The following MCPH1 variants were observed in gnomAD, a reference collection of about 807,000 sequenced individuals.
MCPH1 encodes the protein microcephalin.
MCPH1 carries 104 observed loss-of-function variants against 84.5 expected under a neutral mutation model. That is an observed-to-expected ratio of 1.23 (90% CI 1.05 to 1.45). MCPH1 has a LOEUF of 1.45. Ranked by LOEUF, MCPH1 falls within the 40% of genes most tolerant of loss-of-function variation. MCPH1 has a pLI of 0.00. For missense variants in MCPH1, 1,498 were observed against 1,005.7 expected, an observed-to-expected ratio of 1.49 and a Z score of -6.62; for synonymous variants, 514 against 366.8, an observed-to-expected ratio of 1.40 and a Z score of -4.58.
chr8:6,528,605 A>ACCT (rs1818831595), intron 12 of MCPH1, among the ~76,000 whole-genome samples: 1 of 152,200 alleles, frequency 6.6e-6, no homozygotes, highest in African/African-American at 2.4e-5. Context: ...GGCCTTTGTG[A>ACCT]GCTACTGCGT....
intron 13 of MCPH1, among the ~76,000 whole-genome samples, chr8:6,638,815 G>C (rs1251253075): frequency 4.6e-5 from 7 of 152,154 alleles, no homozygotes; most frequent in Non-Finnish European, 8.8e-5. Context: ...TTTTTCCTGT[G>C]TGTGTTTACA....
intron 8 of MCPH1, chr8:6,447,220 C>T (rs879509752): frequency 3.0e-6 from 3 of 985,198 alleles, no homozygotes; most frequent in Admixed American, 1.2e-4. Context: ...CTGTCAGCCC[C>T]CTGGGACTCA....
At position 6,492,003 on chromosome 8, in the gene MCPH1, G is replaced by A. The variant is rs566138903; in HGVS notation, c.2137-7849G>A. On this transcript the variant is annotated intron_variant, in intron 11 of 13. Coordinates refer to ENST00000344683, the MANE Select transcript of MCPH1 (RefSeq NM_024596.5). ...TTGGGTATATACCCAGTAATGGGAT[G>A]GCTGGATCAAATGGTATTTCTAGTT... is the stretch of plus-strand genomic sequence containing the variant. Among the ~76,000 whole-genome samples, 53 of 152,278 alleles carry A rather than the reference G, an allele frequency of 3.5e-4. 1 individual carries two copies. Among genetic ancestry groups the A allele is most frequent in the Non-Finnish European group, 4.6e-4 (31 of 68,018 alleles).
intron 12 of MCPH1, among the ~76,000 whole-genome samples, chr8:6,605,014 A>G (rs960739426): frequency 6.6e-6 from 1 of 152,120 alleles, no homozygotes; most frequent in Non-Finnish European, 1.5e-5. Flanking sequence ...AGAGGGGAAG[A>G]ACTAAGGACT....
chr8:6,526,515 T>A (rs1818378595), intron 12 of MCPH1, among the ~76,000 whole-genome samples: 1 of 152,118 alleles, frequency 6.6e-6, no homozygotes, highest in African/African-American at 2.4e-5. Flanking sequence ...CATTTACTGT[T>A]TGTAGAGGAG....
intron 3 of MCPH1, among the ~76,000 whole-genome samples, chr8:6,423,571 TTATG>T (rs2129553000): frequency 6.6e-6 from 1 of 152,332 alleles, no homozygotes; most frequent in African/African-American, 2.4e-5. Flanking sequence ...GTCCAGTAAT[TTATG>T]TAAGCAGTGT....
At chr8:6,532,218 C>T (rs1819655438) in intron 12 of MCPH1, 37 of 1,203,526 alleles carry the variant, frequency 3.1e-5, no homozygotes, top group Non-Finnish European at 4.4e-5. Flanking sequence ...TTCCTTTTCT[C>T]CTGTGGTGGT....
intron 12 of MCPH1, among the ~76,000 whole-genome samples, chr8:6,530,276 G>C (rs990644651): frequency 1.3e-5 from 2 of 152,132 alleles, no homozygotes; most frequent in Non-Finnish European, 2.9e-5. Flanking sequence ...GGGAGGCCAA[G>C]GCAGGTGGAT....
intron 13 of MCPH1, among the ~76,000 whole-genome samples, chr8:6,632,303 G>C (rs980784608): frequency 6.6e-6 from 1 of 152,192 alleles, no homozygotes; most frequent in Non-Finnish European, 1.5e-5. Flanking sequence ...TCATGCCACT[G>C]AAGTGGACAC....
intron 13 of MCPH1, 154 bp from the exon 14 acceptor site, chr8:6,642,840 G>C (rs1225893024): frequency 4.2e-6 from 3 of 715,080 alleles, no homozygotes. Context: ...ATTTAAAAAG[G>C]TATGTGTGCT....
Position 6,444,762 on chromosome 8 carries a change from C to G in MCPH1, c.1040C>G (p.Ser347Ter). The G allele has an allele frequency of 1.2e-6, 2 of 1,614,066 alleles. No homozygotes were observed. Among genetic ancestry groups the G allele is most frequent in the Non-Finnish European group, 1.7e-6 (2 of 1,179,972 alleles). ...ACAAAAGGCCACCTTTTGATACATTCAAGACCCAGGAGTTCCTCAGTAAAG... is the reference window on the plus strand; with the variant it reads ...ACAAAAGGCCACCTTTTGATACATTGAAGACCCAGGAGTTCCTCAGTAAAG... The part of the protein sequence containing the change: ...SSTKGHLLIH[S>*]RPRSSSVKRK... Residue 347 changes from serine to a stop codon, truncating the protein, a stop_gained, in exon 8 of 14, where the codon TCA (serine) becomes TGA (stop). Coordinates refer to ENST00000344683, the MANE Select transcript of MCPH1 (RefSeq NM_024596.5). LOFTEE classifies it high-confidence loss of function.
chr8:6,504,364 C>T lies in MCPH1; in HGVS notation c.2214+4435C>T, dbSNP rs116365020. Among the ~76,000 whole-genome samples the T allele has an allele frequency of 3.3e-3, 500 of 151,652 alleles. 3 individuals carry two copies. The highest frequency in any genetic ancestry group is 0.012 in the African/African-American group (484 of 41,270). On this transcript the variant is annotated intron_variant, in intron 12 of 13. Transcript: ENST00000344683. Reference sequence around the variant, plus strand: ...AATGTATAAACCTTAAATTGCATGCCGTTCTGAGTAACGGGATAAAATCTC... The same window carrying T: ...AATGTATAAACCTTAAATTGCATGCTGTTCTGAGTAACGGGATAAAATCTC...
chr8:6,475,093 C>G (rs1041694213), intron 9 of MCPH1, among the ~76,000 whole-genome samples: 3 of 152,196 alleles, frequency 2.0e-5, no homozygotes, highest in Non-Finnish European at 2.9e-5. Flanking sequence ...CTAAGCCAGT[C>G]AGAACAGAAC....
At chr8:6,429,987 C>T (rs1394032071) in intron 3 of MCPH1, among the ~76,000 whole-genome samples, 1 of 152,180 alleles carries the variant, frequency 6.6e-6, no homozygotes, top group East Asian at 1.9e-4. Context: ...TTCATTCACT[C>T]AGTCATACAA....
At chr8:6,432,678 C>A (rs1420332760) in intron 4 of MCPH1, among the ~76,000 whole-genome samples, 1 of 152,192 alleles carries the variant, frequency 6.6e-6, no homozygotes, top group Non-Finnish European at 1.5e-5. Flanking sequence ...GGAGAAATAA[C>A]TGTGAATTTC....
intron 8 of MCPH1, among the ~76,000 whole-genome samples, chr8:6,453,571 A>G (rs1805329253): frequency 6.6e-6 from 1 of 152,164 alleles, no homozygotes; most frequent in South Asian, 2.1e-4. Flanking sequence ...TTTATTCATG[A>G]CTCAATAACA....
chr8:6,625,422 A>G (rs1831966216), intron 13 of MCPH1: 1 of 985,468 alleles, frequency 1.0e-6, no homozygotes, highest in Middle Eastern at 5.2e-4. Context: ...CATTTCCATT[A>G]TAACAAATGC....
chr8:6,549,458 C>T (rs1428356602), intron 12 of MCPH1, among the ~76,000 whole-genome samples: 24 of 152,256 alleles, frequency 1.6e-4, no homozygotes, highest in African/African-American at 5.5e-4. Context: ...GGGATATTGA[C>T]GAGGAGGGGC....
At chr8:6,473,409 C>A (rs1166905632) in intron 9 of MCPH1, among the ~76,000 whole-genome samples, 1 of 133,590 alleles carries the variant, frequency 7.5e-6, no homozygotes, top group East Asian at 2.4e-4. Flanking sequence ...TGGCTCACTG[C>A]AAGCTCCGTC....
Sources: allele counts gnomAD v4.1 joint callset (sites outside exome capture counted in the v4.1 genomes callset), GRCh38; gene constraint gnomAD v4.1.1; transcripts MANE v1.5; gene names NCBI Gene and HGNC (gene_info 2026-07-23, HGNC 2026-07-21).